SRBD1: variants seen among roughly 807,000 people sequenced by gnomAD.
The protein encoded by SRBD1 is S1 RNA-binding domain-containing protein 1.
Under a neutral mutation model 115.3 loss-of-function variants are expected in SRBD1, and 88 were observed. That is an observed-to-expected ratio of 0.76 (90% CI 0.64 to 0.91). The LOEUF (loss-of-function observed/expected upper bound fraction) is 0.91. Ranked by LOEUF, SRBD1 falls within the 40% of genes least tolerant of loss-of-function variation. SRBD1 has a pLI of 0.00. For missense variants in SRBD1, 1,385 were observed against 1,177.4 expected, an observed-to-expected ratio of 1.18 and a Z score of -2.58; for synonymous variants, 509 against 407.7, an observed-to-expected ratio of 1.25 and a Z score of -2.99.
At position 45,555,488 on chromosome 2, in the gene SRBD1, C is replaced by CTT. The variant is rs35646522; in HGVS notation, c.1410-1760_1410-1759dup. ...CTCAGTGCCCTGCAATCATTAAACC[C>CTT]TTTTTTTTTTTTTTTTTTTTGAGAC... On this transcript the variant is annotated intron_variant, in intron 10 of 20. Coordinates refer to ENST00000263736, the MANE Select transcript of SRBD1 (RefSeq NM_018079.5). 3.8e-3 allele frequency among the ~76,000 whole-genome samples: 462 copies of CTT among 121,346 alleles called. 5 individuals carry two copies. Among genetic ancestry groups the CTT allele is most frequent in the East Asian group, 6.7e-3 (29 of 4,302 alleles). The allele number at this position is 121,346 out of a possible 152,430, so 79.6% of individuals were successfully genotyped here.
At chr2:45,417,771 A>T (rs1046971777) in intron 18 of SRBD1, among the ~76,000 whole-genome samples, 7 of 152,194 alleles carry the variant, frequency 4.6e-5, no homozygotes, top group Non-Finnish European at 1.0e-4. Context: ...GTGGGGAAAC[A>T]TATCTATGCT....
chr2:45,444,841 G>A (rs574373614), intron 16 of SRBD1, among the ~76,000 whole-genome samples: 10 of 152,336 alleles, frequency 6.6e-5, no homozygotes, highest in South Asian at 2.1e-4. Flanking sequence ...CTCTGGCCCT[G>A]TGACCACTCA....
At chr2:45,556,130 A>T (rs901894625) in intron 10 of SRBD1, among the ~76,000 whole-genome samples, 1 of 152,162 alleles carries the variant, frequency 6.6e-6, no homozygotes, top group Non-Finnish European at 1.5e-5. Context: ...CAGTTTTTAA[A>T]TTTTAGTGGA....
At chr2:45,585,046 A>C (rs889956759) in intron 5 of SRBD1, among the ~76,000 whole-genome samples, 2 of 151,978 alleles carry the variant, frequency 1.3e-5, no homozygotes, top group African/African-American at 4.8e-5. Flanking sequence ...GCTACTCGGG[A>C]GGCTGAGGCA....
At chr2:45,533,556 C>G (rs1464407328) in intron 14 of SRBD1, among the ~76,000 whole-genome samples, 1 of 151,976 alleles carries the variant, frequency 6.6e-6, no homozygotes, top group Non-Finnish European at 1.5e-5. Flanking sequence ...TCTTTAAGAA[C>G]AAAATTGTAT....
In SRBD1 at chr2:45,574,155, C is replaced by T. The variant is rs114802303; in HGVS notation, c.1169+472G>A. 5.5e-3 allele frequency among the ~76,000 whole-genome samples: 841 copies of T among 152,140 alleles called. 8 individuals are homozygous for T. Among genetic ancestry groups the T allele is most frequent in the African/African-American group, 0.019 (807 of 41,510 alleles). On this transcript the variant is annotated intron_variant, in intron 8 of 20. Transcript: ENST00000263736. ...GTGATGCCATAGATAAGCTGCTCTCCTCAACAGCTAAAAATCATTTGGAGG... is the reference window on the plus strand; with the variant it reads ...GTGATGCCATAGATAAGCTGCTCTCTTCAACAGCTAAAAATCATTTGGAGG...
chr2:45,520,468 C>T (rs1326488017), intron 14 of SRBD1, among the ~76,000 whole-genome samples: 1 of 152,182 alleles, frequency 6.6e-6, no homozygotes, highest in Non-Finnish European at 1.5e-5. Flanking sequence ...CAGGGAAATA[C>T]GGGGGAGAAG....
At chr2:45,453,739 G>A (rs1463433716) in intron 16 of SRBD1, among the ~76,000 whole-genome samples, 2 of 151,892 alleles carry the variant, frequency 1.3e-5, no homozygotes, top group African/African-American at 2.4e-5. Flanking sequence ...CTGCAAATCT[G>A]ATGAAAAACA....
chr2:45,586,168 G>A (rs1233206055), intron 4 of SRBD1, among the ~76,000 whole-genome samples: 1 of 152,286 alleles, frequency 6.6e-6, no homozygotes, highest in Non-Finnish European at 1.5e-5. Flanking sequence ...CAATATCTAT[G>A]AAAATTTACA....
At chr2:45,517,044 A>T (rs1671140634) in intron 14 of SRBD1, among the ~76,000 whole-genome samples, 1 of 152,250 alleles carries the variant, frequency 6.6e-6, no homozygotes, top group South Asian at 2.1e-4. Context: ...AAAAACATAC[A>T]TAGCAATGTT....
At chr2:45,486,553 T>G (rs1426968918) in intron 15 of SRBD1, among the ~76,000 whole-genome samples, 1 of 151,656 alleles carries the variant, frequency 6.6e-6, no homozygotes, top group African/African-American at 2.4e-5. Context: ...TGGTGAAACC[T>G]CGTCTCTACT....
chr2:45,551,287 A>G lies in SRBD1; in HGVS notation c.1518-5T>C. On this transcript the variant is annotated splice_polypyrimidine_tract_variant and splice_region_variant and intron_variant, in intron 11 of 20. Transcript: ENST00000263736. ...GCATCTGATGTTAGTTTGGCTCTTT[A>G]GAAATAGAAGAAAAGAAAAAGTTTT... 1 of 1,582,000 alleles carries G rather than the reference A, an allele frequency of 6.3e-7. No individual in the cohort carries two copies. Among genetic ancestry groups the G allele is most frequent in the Non-Finnish European group, 8.5e-7 (1 of 1,172,782 alleles).
intron 16 of SRBD1, among the ~76,000 whole-genome samples, chr2:45,468,279 CTCTA>C (rs1558415600): frequency 6.6e-6 from 1 of 152,068 alleles, no homozygotes; most frequent in South Asian, 2.1e-4. Flanking sequence ...ATTTTCACTG[CTCTA>C]TCTGTTCTTT....
intron 14 of SRBD1, among the ~76,000 whole-genome samples, chr2:45,529,825 A>C (rs528889692): frequency 6.6e-6 from 1 of 152,196 alleles, no homozygotes; most frequent in African/African-American, 2.4e-5. Context: ...ACAGCATACA[A>C]GAATAGAAAG....
intron 20 of SRBD1, among the ~76,000 whole-genome samples, chr2:45,389,917 A>C (rs1381549198): frequency 6.6e-6 from 1 of 152,238 alleles, no homozygotes; most frequent in Non-Finnish European, 1.5e-5. Flanking sequence ...ATATTTGCTT[A>C]ACAAATATAC....
chr2:45,508,373 A>T (rs1474441766), intron 14 of SRBD1, among the ~76,000 whole-genome samples: 2 of 152,206 alleles, frequency 1.3e-5, no homozygotes, highest in African/African-American at 4.8e-5. Flanking sequence ...GAAACTATAC[A>T]CAATGGCTGA....
intron 15 of SRBD1, among the ~76,000 whole-genome samples, chr2:45,478,041 A>G (rs1371398202): frequency 4.0e-5 from 6 of 151,322 alleles, no homozygotes; most frequent in African/African-American, 1.2e-4. Flanking sequence ...TAGAAAAAAA[A>G]GATAACTATT....
intron 4 of SRBD1, 94 bp from the exon 5 acceptor site, chr2:45,585,868 A>G (rs563842118): frequency 5.6e-5 from 58 of 1,042,442 alleles, no homozygotes; most frequent in East Asian, 5.5e-5. Context: ...AATGTTCTCC[A>G]GTGACTTAGA....
At chr2:45,441,223 C>T (rs1285262643) in intron 16 of SRBD1, among the ~76,000 whole-genome samples, 5 of 152,138 alleles carry the variant, frequency 3.3e-5, no homozygotes, top group Non-Finnish European at 7.4e-5. Context: ...GCTTCCATGT[C>T]CCATCTCTAC....
Sources: gnomAD v4.1 joint callset for allele counts (sites outside exome capture counted in the v4.1 genomes callset) on GRCh38, gnomAD v4.1.1 for gene constraint, MANE v1.5 for transcripts, NCBI Gene and HGNC (gene_info 2026-07-23, HGNC 2026-07-21) for gene names.